Variants in KIF11 observed in about 807,000 individuals in gnomAD.
KIF11 encodes the protein kinesin-like protein KIF11.
KIF11 carries 9 observed loss-of-function variants against 121.0 expected under a neutral mutation model. The observed-to-expected ratio is 0.07, with a 90% CI of 0.04 to 0.13. KIF11 has a LOEUF of 0.13. KIF11 is among the 10% of genes least tolerant of loss of function. The probability of loss-of-function intolerance (pLI) is 1.00; values close to 1 mark genes in which losing one functional copy is unlikely to be tolerated. For missense variants in KIF11, 846 were observed against 1,217.5 expected, an observed-to-expected ratio of 0.69 and a Z score of 4.54; for synonymous variants, 408 against 421.0, an observed-to-expected ratio of 0.97 and a Z score of 0.38.
At chr10:92,616,695 C>A in intron 8 of KIF11, 42 bp from the exon 9 acceptor site, 1 of 994,388 alleles carries the variant, frequency 1.0e-6, no homozygotes, top group Non-Finnish European at 1.6e-6. Context: ...CTACATTATT[C>A]TCACAATATC....
In KIF11 at chr10:92,620,282, A is replaced by G. The variant is rs986908137; in HGVS notation, c.1129-1103A>G. On this transcript the variant is annotated intron_variant, in intron 9 of 21. Transcript: ENST00000260731. The stretch of plus-strand genomic sequence containing the variant: ...TTTTTAGTAGAGACAGGGTTTCACC[A>G]TGTTAGCCAGGATAGTCTTGATCTC... Among the ~76,000 whole-genome samples, 11 of 152,062 alleles carry G rather than the reference A, an allele frequency of 7.2e-5. No homozygotes were observed. In the East Asian group the frequency reaches 1.4e-3, roughly 19 times the overall value.
intron 1 of KIF11, among the ~76,000 whole-genome samples, chr10:92,596,380 C>G (rs1844297173): frequency 6.6e-6 from 1 of 152,156 alleles, no homozygotes; most frequent in South Asian, 2.1e-4. Context: ...GGGTATTTAC[C>G]CAGAATTGTA....
At chr10:92,602,958 G>T (rs187769588) in intron 1 of KIF11, among the ~76,000 whole-genome samples, 1 of 151,140 alleles carries the variant, frequency 6.6e-6, no homozygotes, top group African/African-American at 2.4e-5. Flanking sequence ...CGGTTCAAGC[G>T]ATTCTCCTGT....
At chr10:92,594,929 TAAGCATTAAGC>T (rs1286721303) in intron 1 of KIF11, among the ~76,000 whole-genome samples, 39 of 152,364 alleles carry the variant, frequency 2.6e-4, no homozygotes, top group African/African-American at 8.4e-4. Flanking sequence ...CGTCTGTCAT[TAAGCATTAAGC>T]TTTAGTAAAT....
rs553604355 is a variant in KIF11 at position 92,649,985 on chromosome 10, C to T, written c.2921C>T (p.Pro974Leu). Residue 974 changes from proline (P) to leucine (L), a missense_variant and splice_region_variant, in exon 20 of 22, where the codon CCG (proline) becomes CTG (leucine). Pro to Leu is a moderately conservative substitution (Grantham distance 98, BLOSUM62 -3). Transcript: ENST00000260731. The part of the protein sequence containing the change: ...CSENNKEETI[P>L]DVDVEEAVLG... ...GAAAACAACAAAGAAGAGACAATTC[C>T]GGTAAATTTAAAGGATCATATTTTA... The T allele has an allele frequency of 8.0e-5, 128 of 1,603,984 alleles. 3 individuals carry two copies. The South Asian group carries it at 1.1e-3, about 14-fold the overall frequency.
intron 14 of KIF11, among the ~76,000 whole-genome samples, chr10:92,636,807 C>T (rs1048208307): frequency 2.7e-5 from 4 of 150,584 alleles, no homozygotes; most frequent in Admixed American, 1.3e-4. Context: ...CCACGGGGGG[C>T]GGATCACCTG....
chr10:92,644,469 C>T (rs1245407874), intron 17 of KIF11, among the ~76,000 whole-genome samples: 2 of 152,132 alleles, frequency 1.3e-5, no homozygotes, highest in African/African-American at 4.8e-5. Context: ...AGGCACCCAC[C>T]ACCACGCCCG....
chr10:92,610,948 A>G (rs1437120245), intron 6 of KIF11, among the ~76,000 whole-genome samples: 2 of 152,278 alleles, frequency 1.3e-5, no homozygotes, highest in East Asian at 3.9e-4. Context: ...AATTTCATGT[A>G]GAATTTTGAG....
At chr10:92,635,009 G>A (rs1407704600) in intron 14 of KIF11, among the ~76,000 whole-genome samples, 1 of 152,046 alleles carries the variant, frequency 6.6e-6, no homozygotes, top group Non-Finnish European at 1.5e-5. Flanking sequence ...TCATCTAATT[G>A]CACTTAATAT....
chr10:92,608,789 G>A (rs760700617), intron 4 of KIF11, among the ~76,000 whole-genome samples: 20 of 152,270 alleles, frequency 1.3e-4, no homozygotes, highest in Admixed American at 5.2e-4. Flanking sequence ...TAATGCTCAG[G>A]GATGAAGATG....
Position 92,637,303 on chromosome 10 carries a change from C to T in KIF11, c.1995C>T (p.Ala665=), listed in dbSNP as rs772728194. The T allele has an allele frequency of 1.2e-5, 19 of 1,592,476 alleles. No individual in the cohort carries two copies. Among genetic ancestry groups the T allele is most frequent in the South Asian group, 2.3e-5 (2 of 86,272 alleles). The change falls in exon 15 of 22, where the codon GCC becomes GCT. Residue 665 remains alanine, a synonymous_variant. Transcript: ENST00000260731. The stretch of plus-strand genomic sequence containing the variant: ...TTTTCAAGACTTCATTGACAGTGGC[C>T]GATAAGGTAACAAATGCTATGTTCT... ...KHIFKTSLTV[A]DKIEDQKKEL...
In KIF11 at chr10:92,648,397, C is replaced by A; in HGVS notation, c.2733C>A (p.Cys911Ter). 1.2e-6 allele frequency: 2 copies of A among 1,608,940 alleles called. No homozygotes were observed. The highest frequency in any genetic ancestry group is 8.5e-7 in the Non-Finnish European group (1 of 1,177,342). The change falls in exon 19 of 22, where the codon TGC becomes TGA. Residue 911 changes from cysteine (C) to a stop codon, truncating the protein, a stop_gained. Transcript: ENST00000260731. LOFTEE classifies it high-confidence loss of function. ...AAATTGGTTTGACTAAGCTTAATTG[C>A]TTTCTGGAACAGGATCTGAAACTGG... The part of the protein sequence containing the change: ...TIKIGLTKLN[C>*]FLEQDLKLDI...
intron 17 of KIF11, among the ~76,000 whole-genome samples, chr10:92,641,716 T>TA (rs1275293010): frequency 6.6e-6 from 1 of 152,238 alleles, no homozygotes; most frequent in Non-Finnish European, 1.5e-5. Context: ...TTTCATCTAT[T>TA]AATTCTTTGA....
intron 14 of KIF11, among the ~76,000 whole-genome samples, chr10:92,635,355 T>A (rs1844784684): frequency 6.6e-6 from 1 of 152,212 alleles, no homozygotes; most frequent in Non-Finnish European, 1.5e-5. Context: ...ACTTCAGAGA[T>A]ATTGCAGGTT....
Position 92,621,668 on chromosome 10 carries a change from C to A in KIF11, c.1217+195C>A, listed in dbSNP as rs543837113. 3.3e-5 allele frequency among the ~76,000 whole-genome samples: 5 copies of A among 152,176 alleles called. No individual in the cohort carries two copies. In the East Asian group the frequency reaches 9.7e-4, roughly 29 times the overall value. ...CCAGACTGGAGCACAGTGGCACAAT[C>A]TTGGCTCACTACGTCCTCAGTCTCC... On this transcript the variant is annotated intron_variant, in intron 10 of 21. Transcript: ENST00000260731.
At chr10:92,611,276 G>A (rs1011600709) in intron 6 of KIF11, among the ~76,000 whole-genome samples, 5 of 151,840 alleles carry the variant, frequency 3.3e-5, no homozygotes, top group Non-Finnish European at 7.4e-5. Context: ...GAAGTGATGC[G>A]ATCTCGGCTC....
chr10:92,646,881 G>A (rs1448726603), intron 18 of KIF11, among the ~76,000 whole-genome samples: 1 of 152,156 alleles, frequency 6.6e-6, no homozygotes, highest in Non-Finnish European at 1.5e-5. Context: ...GAAGAAAAGT[G>A]TTTCATTAGA....
intron 6 of KIF11, among the ~76,000 whole-genome samples, chr10:92,612,166 C>T (rs1844504856): frequency 2.0e-5 from 3 of 151,274 alleles, no homozygotes; most frequent in African/African-American, 7.3e-5. Context: ...GACAGCGTCT[C>T]ACTTTGTCAC....
At chr10:92,622,891 A>G (rs1191460865) in intron 10 of KIF11, among the ~76,000 whole-genome samples, 2 of 152,154 alleles carry the variant, frequency 1.3e-5, no homozygotes, top group Non-Finnish European at 2.9e-5. Flanking sequence ...ACATGGCGGC[A>G]GGAGAGAGAA....
Sources: gnomAD v4.1 joint callset for allele counts (sites outside exome capture counted in the v4.1 genomes callset) on GRCh38, gnomAD v4.1.1 for gene constraint, MANE v1.5 for transcripts, NCBI Gene and HGNC (gene_info 2026-07-23, HGNC 2026-07-21) for gene names.